SGCZ: variants seen among roughly 807,000 people sequenced by gnomAD.
The protein encoded by SGCZ is sarcoglycan zeta, also known as zeta-sarcoglycan.
A neutral mutation model predicts 41.3 loss-of-function variants in SGCZ; 40 were observed. That is an observed-to-expected ratio of 0.97 (90% confidence interval 0.75 to 1.26). The LOEUF is 1.26. Among genes scored for constraint, SGCZ ranks in the 50% most tolerant of loss-of-function variants. SGCZ has a pLI of 0.00. For synonymous variants in SGCZ, 206 were observed against 137.5 expected (o/e 1.50, Z -3.49); for missense variants, 552 against 369.8 (o/e 1.49, Z -4.04).
chr8:14,956,823 T>A (rs1029335433), intron 1 of SGCZ, among the ~76,000 whole-genome samples: 2 of 152,218 alleles, frequency 1.3e-5, no homozygotes, highest in African/African-American at 4.8e-5. Flanking sequence ...AGGAAAATAA[T>A]AATACATTTC....
At chr8:14,141,439 A>C (rs1803366269) in intron 5 of SGCZ, among the ~76,000 whole-genome samples, 1 of 152,264 alleles carries the variant, frequency 6.6e-6, no homozygotes, top group Non-Finnish European at 1.5e-5. Context: ...ACTACTATCC[A>C]GAATCTACAA....
intron 1 of SGCZ, among the ~76,000 whole-genome samples, chr8:14,661,035 TC>T (rs1291083055): frequency 3.3e-5 from 5 of 152,172 alleles, no homozygotes; most frequent in Non-Finnish European, 7.3e-5. Flanking sequence ...AGAGGGTTCT[TC>T]CCAGAATCCC....
intron 1 of SGCZ, among the ~76,000 whole-genome samples, chr8:15,123,572 C>T (rs893529455): frequency 1.3e-5 from 2 of 152,078 alleles, no homozygotes; most frequent in Non-Finnish European, 2.9e-5. Flanking sequence ...TTGATCAAGC[C>T]TTTTCAGTTA....
intron 1 of SGCZ, among the ~76,000 whole-genome samples, chr8:15,214,608 T>C (rs1167410384): frequency 6.6e-6 from 1 of 152,152 alleles, no homozygotes; most frequent in African/African-American, 2.4e-5. Context: ...ATGCTAGACA[T>C]GCACATCTTC....
chr8:14,706,922 T>G, intron 1 of SGCZ, among the ~76,000 whole-genome samples: 1 of 151,864 alleles, frequency 6.6e-6, no homozygotes. Context: ...GAAATTCTTA[T>G]TATTTAGAAG....
At chr8:14,615,220 C>T (rs1028852182) in intron 1 of SGCZ, among the ~76,000 whole-genome samples, 1 of 152,108 alleles carries the variant, frequency 6.6e-6, no homozygotes, top group Non-Finnish European at 1.5e-5. Flanking sequence ...ACTTTGAATT[C>T]CTACATAACA....
intron 1 of SGCZ, among the ~76,000 whole-genome samples, chr8:15,147,632 G>A (rs974547715): frequency 2.0e-5 from 3 of 152,126 alleles, no homozygotes; most frequent in East Asian, 1.9e-4. Context: ...AGTTGGGCAG[G>A]ACACGATCCC....
At chr8:14,215,723 A>G (rs1292491044) in intron 4 of SGCZ, among the ~76,000 whole-genome samples, 2 of 152,178 alleles carry the variant, frequency 1.3e-5, no homozygotes, top group Non-Finnish European at 1.5e-5. Flanking sequence ...ATGCTCACAA[A>G]TTTGTACATA....
intron 1 of SGCZ, among the ~76,000 whole-genome samples, chr8:14,620,180 A>C (rs989245225): frequency 7.2e-5 from 11 of 152,054 alleles, no homozygotes; most frequent in South Asian, 2.1e-4. Flanking sequence ...CAAAAACAAG[A>C]AATGGGGAAA....
chr8:14,341,899 A>G (rs570446702), intron 2 of SGCZ, among the ~76,000 whole-genome samples: 1 of 152,156 alleles, frequency 6.6e-6, no homozygotes, highest in Non-Finnish European at 1.5e-5. Flanking sequence ...TTTTCTTCCC[A>G]GCTTCAGGTC....
intron 1 of SGCZ, among the ~76,000 whole-genome samples, chr8:15,167,516 G>A (rs1161240921): frequency 6.6e-6 from 1 of 152,160 alleles, no homozygotes; most frequent in Non-Finnish European, 1.5e-5. Flanking sequence ...GCTTTAAAAG[G>A]TCTTAGCTGA....
chr8:14,532,443 G>T (rs1356743589), intron 2 of SGCZ, among the ~76,000 whole-genome samples: 2 of 151,928 alleles, frequency 1.3e-5, no homozygotes, highest in East Asian at 3.9e-4. Flanking sequence ...ACATAGATTT[G>T]ATAAATGAAA....
At chr8:14,098,541 C>G (rs902171603) in intron 7 of SGCZ, among the ~76,000 whole-genome samples, 13 of 152,188 alleles carry the variant, frequency 8.5e-5, no homozygotes, top group Non-Finnish European at 1.6e-4. Flanking sequence ...TTTTCAGGAG[C>G]TAGCATGTGT....
chr8:14,922,139 C>T (rs1008924399), intron 1 of SGCZ, among the ~76,000 whole-genome samples: 9 of 151,902 alleles, frequency 5.9e-5, no homozygotes, highest in Non-Finnish European at 1.2e-4. Flanking sequence ...AGCTTCAGAC[C>T]TTGGGGAAGG....
At chr8:14,851,795 G>A (rs1251463339) in intron 1 of SGCZ, among the ~76,000 whole-genome samples, 1 of 151,868 alleles carries the variant, frequency 6.6e-6, no homozygotes, top group East Asian at 1.9e-4. Flanking sequence ...ACTTTCCAGG[G>A]AATCTAAGAT....
At chr8:14,726,279 C>A (rs1312025567) in intron 1 of SGCZ, among the ~76,000 whole-genome samples, 4 of 105,088 alleles carry the variant, frequency 3.8e-5, no homozygotes, top group African/African-American at 1.2e-4. Flanking sequence ...AAAAAAAAAT[C>A]ATACGCGTGT....
intron 1 of SGCZ, among the ~76,000 whole-genome samples, chr8:14,689,827 G>A (rs1808739946): frequency 6.6e-6 from 1 of 152,154 alleles, no homozygotes; most frequent in Non-Finnish European, 1.5e-5. Flanking sequence ...TGGTATCCTG[G>A]CTTTGTTAGA....
chr8:14,870,445 T>A (rs914757281), intron 1 of SGCZ, among the ~76,000 whole-genome samples: 6 of 152,128 alleles, frequency 3.9e-5, no homozygotes, highest in Non-Finnish European at 8.8e-5. Flanking sequence ...TCAAGTAAGA[T>A]TAAGGACTTA....
At chr8:14,746,562 T>C (rs936427609) in intron 1 of SGCZ, among the ~76,000 whole-genome samples, 3 of 152,102 alleles carry the variant, frequency 2.0e-5, no homozygotes, top group Non-Finnish European at 4.4e-5. Flanking sequence ...ATAAAATAAA[T>C]AAACCTGGCA....
Sources: gnomAD v4.1 joint callset for allele counts (sites outside exome capture counted in the v4.1 genomes callset) on GRCh38, gnomAD v4.1.1 for gene constraint, MANE v1.5 for transcripts, NCBI Gene and HGNC (gene_info 2026-07-23, HGNC 2026-07-21) for gene names.